UTRN: variants seen among roughly 807,000 people sequenced by gnomAD.
UTRN encodes dystrophin-related protein 1.
A neutral mutation model predicts 463.9 loss-of-function variants in UTRN; 283 were observed. The ratio of observed to expected loss-of-function variants is 0.61; its 90% CI spans 0.55 to 0.67. The LOEUF (loss-of-function observed/expected upper bound fraction) is 0.67, where lower values mean the gene tolerates loss of function less well. Among genes scored for constraint, UTRN ranks in the 30% least tolerant of loss-of-function variants. UTRN has a pLI of 0.00. For synonymous variants in UTRN, 1,442 were observed against 1,431.5 expected (o/e 1.01, Z -0.17); for missense variants, 3,922 against 4,084.3 (o/e 0.96, Z 1.08).
chr6:144,412,620 A>G (rs1246387731), intron 3 of UTRN, among the ~76,000 whole-genome samples: 2 of 152,218 alleles, frequency 1.3e-5, no homozygotes, highest in East Asian at 3.9e-4. Context: ...CAATGTTATC[A>G]GATGCTTGGG....
At chr6:144,390,411 G>A (rs192770336) in intron 2 of UTRN, among the ~76,000 whole-genome samples, 58 of 152,218 alleles carry the variant, frequency 3.8e-4, no homozygotes, top group African/African-American at 1.3e-3. Context: ...CATTTTTCAT[G>A]TTAATCTCAC....
At chr6:144,348,712 A>T (rs1198931590) in intron 2 of UTRN, among the ~76,000 whole-genome samples, 1 of 152,196 alleles carries the variant, frequency 6.6e-6, no homozygotes, top group Non-Finnish European at 1.5e-5. Context: ...AGGCGGGCAG[A>T]TCACCTGAAG....
chr6:144,602,667 C>T (rs751799755), intron 51 of UTRN, among the ~76,000 whole-genome samples: 15 of 152,248 alleles, frequency 9.9e-5, no homozygotes, highest in Non-Finnish European at 7.4e-5. Flanking sequence ...TTCTCAGTAT[C>T]GCCTCCTCCC....
At chr6:144,715,191 C>T (rs6902284) in intron 53 of UTRN, among the ~76,000 whole-genome samples, 56,408 of 151,718 alleles carry the variant, frequency 0.37, 14,235 homozygotes, top group African/African-American at 0.69. Context: ...TTCTACCCAG[C>T]GTTCTGCATT....
intron 52 of UTRN, among the ~76,000 whole-genome samples, chr6:144,684,049 CTTTTTTT>C (rs751258844): frequency 1.5e-5 from 2 of 137,290 alleles, no homozygotes; most frequent in African/African-American, 2.7e-5. Context: ...TGTCCCTTTA[CTTTTTTT>C]TTTTTTTTTT....
intron 51 of UTRN, among the ~76,000 whole-genome samples, chr6:144,627,169 G>A (rs1261057780): frequency 2.0e-5 from 3 of 151,736 alleles, no homozygotes; most frequent in African/African-American, 7.3e-5. Flanking sequence ...TAGGAGGGTG[G>A]GGTGGGGTAG....
chr6:144,640,992 C>G (rs1448756073), intron 51 of UTRN, among the ~76,000 whole-genome samples: 3 of 152,102 alleles, frequency 2.0e-5, no homozygotes, highest in African/African-American at 4.8e-5. Context: ...GTAGTACAAA[C>G]TGTGCACTAG....
At chr6:144,623,646 A>G (rs1192780342) in intron 51 of UTRN, among the ~76,000 whole-genome samples, 1 of 152,214 alleles carries the variant, frequency 6.6e-6, no homozygotes, top group Non-Finnish European at 1.5e-5. Flanking sequence ...AATGTCTTAG[A>G]GCTTTGCAAG....
At chr6:144,848,760 C>A (rs1488467491) in intron 74 of UTRN, among the ~76,000 whole-genome samples, 5 of 152,176 alleles carry the variant, frequency 3.3e-5, no homozygotes, top group Admixed American at 3.3e-4. Context: ...GAAGAATCAT[C>A]TCCATGGGTG....
At chr6:144,699,472 G>GTT (rs1210591375) in intron 52 of UTRN, among the ~76,000 whole-genome samples, 2 of 71,080 alleles carry the variant, frequency 2.8e-5, no homozygotes, top group South Asian at 5.3e-4. Flanking sequence ...ATTAGTCAGT[G>GTT]GTTTTTTTTT....
At chr6:144,715,693 T>TCGC (rs1786342267) in intron 53 of UTRN, among the ~76,000 whole-genome samples, 1 of 131,024 alleles carries the variant, frequency 7.6e-6, no homozygotes, top group Non-Finnish European at 1.5e-5. Flanking sequence ...CTCTCTCTCT[T>TCGC]CCCCCCCCAC....
At chr6:144,525,266 ATTC>A (rs1796468141) in intron 41 of UTRN, among the ~76,000 whole-genome samples, 1 of 152,046 alleles carries the variant, frequency 6.6e-6, no homozygotes, top group Non-Finnish European at 1.5e-5. Flanking sequence ...ATTGGTACCA[ATTC>A]TTCTTTGAAT....
intron 2 of UTRN, among the ~76,000 whole-genome samples, chr6:144,337,261 C>T (rs1317159750): frequency 6.6e-6 from 1 of 152,044 alleles, no homozygotes; most frequent in Non-Finnish European, 1.5e-5. Flanking sequence ...CCTGAATTCT[C>T]CCCTCTTAGC....
chr6:144,490,791 T>G lies in UTRN; in HGVS notation c.4264-138T>G, dbSNP rs532870860. 4 of 954,952 alleles carry G rather than the reference T, an allele frequency of 4.2e-6. No homozygotes were observed. The African/African-American group carries it at 5.0e-5, about 12-fold the overall frequency. The allele number at this position is 954,952 out of a possible 1,614,324, so 59.2% of individuals were successfully genotyped here. A position where few individuals can be genotyped will look rare whatever the true frequency, so the allele number is the denominator to read the frequency against. Reference sequence around the variant, plus strand: ...TACCCTCACTGAGATTCATTAGGAGTTTTTTATTTTGGGTCATATTTCTGA... The same window carrying G: ...TACCCTCACTGAGATTCATTAGGAGGTTTTTATTTTGGGTCATATTTCTGA... On this transcript the variant is annotated intron_variant, in intron 31 of 74. Coordinates refer to ENST00000367545, the MANE Select transcript of UTRN (RefSeq NM_007124.3).
intron 73 of UTRN, among the ~76,000 whole-genome samples, chr6:144,844,551 G>A (rs1027780480): frequency 6.6e-6 from 1 of 152,120 alleles, no homozygotes; most frequent in Non-Finnish European, 1.5e-5. Context: ...TTACACGCGT[G>A]AGCCACCACA....
intron 2 of UTRN, among the ~76,000 whole-genome samples, chr6:144,338,024 C>G (rs1776869157): frequency 6.6e-6 from 1 of 152,156 alleles, no homozygotes; most frequent in Admixed American, 6.5e-5. Flanking sequence ...CATATGGAAA[C>G]AAAGGCATGA....
At chr6:144,560,033 G>A (rs1459073463) in intron 50 of UTRN, among the ~76,000 whole-genome samples, 2 of 152,032 alleles carry the variant, frequency 1.3e-5, no homozygotes, top group Non-Finnish European at 2.9e-5. Flanking sequence ...TAAATTTTGA[G>A]TGTCGTCTCA....
intron 65 of UTRN, among the ~76,000 whole-genome samples, chr6:144,816,214 G>A (rs1779063164): frequency 6.6e-6 from 1 of 152,166 alleles, no homozygotes; most frequent in African/African-American, 2.4e-5. Context: ...ACAAACTGTA[G>A]GGAAATGGCA....
chr6:144,826,161 AAAATAAATAAAT>A lies in UTRN; in HGVS notation c.9495-1170_9495-1159del, dbSNP rs372490067. The stretch of plus-strand genomic sequence containing the variant: ...TTAAAGTATAATAATAATAAAAGAA[AAAATAAATAAAT>A]AAATAAATAAATAAATGCCTGGTTC... On this transcript the variant is annotated intron_variant, in intron 66 of 74. Transcript: ENST00000367545. Among the ~76,000 whole-genome samples, 14 of 148,680 alleles carry A rather than the reference AAAATAAATAAAT, an allele frequency of 9.4e-5. No homozygotes were observed. The South Asian group carries it at 3.0e-3, about 32-fold the overall frequency.
Sources: allele counts gnomAD v4.1 joint callset (sites outside exome capture counted in the v4.1 genomes callset), GRCh38; gene constraint gnomAD v4.1.1; transcripts MANE v1.5; gene names NCBI Gene and HGNC (gene_info 2026-07-23, HGNC 2026-07-21).